Variants in SPDYE14 observed in about 807,000 individuals in gnomAD.
The protein encoded by SPDYE14 is speedy protein E14.
the SPDYE14 span, among the ~76,000 whole-genome samples, chr7:75,247,442 G>GAGAAAGAA: frequency 5.2e-4 from 36 of 69,028 alleles, no homozygotes; most frequent in East Asian, 2.8e-3. Flanking sequence ...GAGAGAGAAA[G>GAGAAAGAA]AGAAAGAAAG....
At chr7:75,278,486 T>C in the SPDYE14 span, among the ~76,000 whole-genome samples, 1 of 18,480 alleles carries the variant, frequency 5.4e-5, no homozygotes, top group Non-Finnish European at 1.6e-4. Context: ...GAGGCTGAGG[T>C]GGGGGAATCG....
chr7:75,241,693 A>ATT, the SPDYE14 span, among the ~76,000 whole-genome samples: 4 of 22,738 alleles, frequency 1.8e-4, 1 homozygote, highest in Non-Finnish European at 2.1e-4. Flanking sequence ...ATATATATAT[A>ATT]TATTTTTTTT....
the SPDYE14 span, among the ~76,000 whole-genome samples, chr7:75,277,939 C>CTG: frequency 4.6e-5 from 1 of 21,882 alleles, no homozygotes; most frequent in South Asian, 1.9e-3. Context: ...TGTTTTTGTT[C>CTG]TGTCTTACAC....
the SPDYE14 span, among the ~76,000 whole-genome samples, chr7:75,267,796 G>T: frequency 5.4e-5 from 7 of 129,098 alleles, no homozygotes; most frequent in African/African-American, 8.0e-5. Flanking sequence ...CAGTGCAGTG[G>T]TGTGATCTCG....
chr7:75,247,477 A>G, the SPDYE14 span, among the ~76,000 whole-genome samples: 2 of 120,722 alleles, frequency 1.7e-5, no homozygotes, highest in African/African-American at 5.2e-5. Context: ...AGAAAGAAAG[A>G]AAGAAAAGAA....
the SPDYE14 span, among the ~76,000 whole-genome samples, chr7:75,243,329 T>G: frequency 1.1e-4 from 6 of 53,966 alleles, no homozygotes; most frequent in Non-Finnish European, 1.6e-4. Flanking sequence ...ATAGCTGTTG[T>G]CTGGGCACAG....
the SPDYE14 span, among the ~76,000 whole-genome samples, chr7:75,278,196 G>A: frequency 1.7e-5 from 1 of 58,728 alleles, no homozygotes; most frequent in African/African-American, 4.1e-5. Context: ...GACTTGGGAC[G>A]GAAAATGTTT....
At chr7:75,237,676 G>A in the SPDYE14 span, 1 of 99,328 alleles carries the variant, frequency 1.0e-5, no homozygotes, top group African/African-American at 2.9e-5. Flanking sequence ...CGCCCGGCGC[G>A]GGGAGCAGCT....
the SPDYE14 span, among the ~76,000 whole-genome samples, chr7:75,245,302 TCCCA>T: frequency 4.0e-4 from 24 of 59,566 alleles, no homozygotes; most frequent in Non-Finnish European, 6.6e-4. Context: ...GTGCCTGTAA[TCCCA>T]GCTACTAGGG....
the SPDYE14 span, among the ~76,000 whole-genome samples, chr7:75,265,320 G>C: frequency 1.2e-5 from 1 of 85,672 alleles, no homozygotes. Flanking sequence ...TGTTGGTCAG[G>C]ATAATCTCAA....
chr7:75,275,740 A>T, the SPDYE14 span, among the ~76,000 whole-genome samples: 3 of 8,722 alleles, frequency 3.4e-4, 1 homozygote, highest in Non-Finnish European at 6.1e-4. Context: ...AAAATAAATT[A>T]AAAAAAAAAA....
chr7:75,251,541 TG>T, the SPDYE14 span, among the ~76,000 whole-genome samples: 1 of 59,894 alleles, frequency 1.7e-5, no homozygotes. Flanking sequence ...TGTGTGTGTG[TG>T]GTAGAAATGG....
the SPDYE14 span, among the ~76,000 whole-genome samples, chr7:75,272,885 C>CAAA: frequency 4.1e-5 from 1 of 24,168 alleles, no homozygotes; most frequent in African/African-American, 8.3e-5. Flanking sequence ...AACTGTGTCT[C>CAAA]AAAAAAAAAA....
At chr7:75,245,428 GA>G in the SPDYE14 span, among the ~76,000 whole-genome samples, 25 of 67,762 alleles carry the variant, frequency 3.7e-4, no homozygotes, top group Non-Finnish European at 5.1e-4. Context: ...ATGTCTCAAA[GA>G]AAAAAAAAAA....
chr7:75,272,603 G>A, the SPDYE14 span, among the ~76,000 whole-genome samples: 3 of 51,344 alleles, frequency 5.8e-5, 1 homozygote, highest in African/African-American at 9.3e-5. Flanking sequence ...ATCTCATGCC[G>A]AGACCAGGCA....
the SPDYE14 span, among the ~76,000 whole-genome samples, chr7:75,279,765 C>G: frequency 8.0e-4 from 45 of 56,532 alleles, 3 homozygotes; most frequent in African/African-American, 1.3e-3. Flanking sequence ...TGTATTTTTA[C>G]TAGAGATGGG....
At chr7:75,265,352 G>T in the SPDYE14 span, among the ~76,000 whole-genome samples, 1 of 59,460 alleles carries the variant, frequency 1.7e-5, no homozygotes, top group African/African-American at 6.4e-5. Flanking sequence ...CTGCTGATCT[G>T]CCCACATCGG....
the SPDYE14 span, chr7:75,237,450 G>C: frequency 1.4e-4 from 1 of 6,912 alleles, no homozygotes; most frequent in African/African-American, 2.8e-4. Context: ...GCGGGGGGAC[G>C]AGCCGCGGCC....
At chr7:75,275,146 A>G in the SPDYE14 span, among the ~76,000 whole-genome samples, 1 of 60,282 alleles carries the variant, frequency 1.7e-5, no homozygotes, top group Non-Finnish European at 4.4e-5. Flanking sequence ...CCCGTCCGGG[A>G]GGTGAGGGGC....
Sources: allele counts gnomAD v4.1 joint callset (sites outside exome capture counted in the v4.1 genomes callset), GRCh38; gene constraint gnomAD v4.1.1; transcripts MANE v1.5; gene names NCBI Gene and HGNC (gene_info 2026-07-23, HGNC 2026-07-21).